Variants in LHPP observed in about 807,000 individuals in gnomAD.
LHPP encodes the protein hLHPP.
A neutral mutation model predicts 30.3 loss-of-function variants in LHPP; 24 were observed. The observed-to-expected ratio is 0.79, with a 90% CI of 0.57 to 1.11. LHPP has a LOEUF of 1.11. Among genes scored for constraint, LHPP ranks in the 50% most tolerant of loss-of-function variants. The pLI, the probability that LHPP is intolerant of heterozygous loss-of-function variation, is 0.00. For missense variants in LHPP, 356 were observed against 367.2 expected (o/e 0.97, Z 0.25); for synonymous variants, 150 against 157.1 (o/e 0.95, Z 0.34).
chr10:124,522,721 A>ACG (rs1004954177), intron 6 of LHPP, among the ~76,000 whole-genome samples: 13 of 121,212 alleles, frequency 1.1e-4, no homozygotes, highest in African/African-American at 2.5e-4. Flanking sequence ...ACTGCTGCCC[A>ACG]CGCCCCCCCC....
chr10:124,513,948 C>T (rs187124076), intron 5 of LHPP, among the ~76,000 whole-genome samples: 77 of 152,296 alleles, frequency 5.1e-4, no homozygotes, highest in African/African-American at 1.6e-3. Context: ...GTTTGCGCCT[C>T]ATAAGTGTGT....
chr10:124,464,058 A>G (rs1330349773), intron 1 of LHPP, among the ~76,000 whole-genome samples: 1 of 152,014 alleles, frequency 6.6e-6, no homozygotes, highest in East Asian at 1.9e-4. Flanking sequence ...GGCTGAAGTG[A>G]TCTGCCTGCC....
At chr10:124,473,357 C>G (rs1191914990) in intron 1 of LHPP, among the ~76,000 whole-genome samples, 3 of 152,166 alleles carry the variant, frequency 2.0e-5, no homozygotes, top group African/African-American at 7.2e-5. Context: ...TTAAGGTTCA[C>G]AGAAGTGATA....
In LHPP at chr10:124,608,060, G is replaced by A. The variant is rs538630885; in HGVS notation, c.717-5204G>A. 1.5e-4 allele frequency among the ~76,000 whole-genome samples: 23 copies of A among 152,244 alleles called. 1 individual carries two copies. In the East Asian group the frequency reaches 2.7e-3, roughly 18 times the overall value. Reference sequence around the variant, plus strand: ...AGAGGGCAGGAGGGGGCAGAGCCTCGGCGTAGGAGTGAGCCTACTGGTCCT... The same window carrying A: ...AGAGGGCAGGAGGGGGCAGAGCCTCAGCGTAGGAGTGAGCCTACTGGTCCT... On this transcript the variant is annotated intron_variant, in intron 6 of 6. Coordinates refer to ENST00000368842, the MANE Select transcript of LHPP (RefSeq NM_022126.4).
rs937902791 is a variant in LHPP, at chr10:124,596,704, G to A, written c.717-16560G>A. 6.6e-6 allele frequency among the ~76,000 whole-genome samples: 1 copy of A among 152,204 alleles called. No individual in the cohort carries two copies. The highest frequency in any genetic ancestry group is 2.4e-5 in the African/African-American group (1 of 41,460). Reference sequence around the variant, plus strand: ...GGGGACACCATGAAGCTGGGTGGACGGGTGGGGAGGCCCGACTTTAAGGGA... The same window carrying A: ...GGGGACACCATGAAGCTGGGTGGACAGGTGGGGAGGCCCGACTTTAAGGGA... On this transcript the variant is annotated intron_variant, in intron 6 of 6. Transcript: ENST00000368842. This position sits in a 1 kb window ranked among gnomAD's most constrained non-coding sequence, Gnocchi z 4.6.
At chr10:124,550,850 A>T (rs542935862) in intron 6 of LHPP, among the ~76,000 whole-genome samples, 1 of 152,296 alleles carries the variant, frequency 6.6e-6, no homozygotes, top group East Asian at 1.9e-4. Context: ...CGGCCCTGCC[A>T]TCCCTGTGTG....
chr10:124,536,004 G>A (rs1955015268), intron 6 of LHPP, among the ~76,000 whole-genome samples: 1 of 152,246 alleles, frequency 6.6e-6, no homozygotes, highest in Non-Finnish European at 1.5e-5. Flanking sequence ...CCCTGGGCTG[G>A]GGTGGGAGGT....
At chr10:124,543,825 T>C (rs1955265211) in intron 6 of LHPP, among the ~76,000 whole-genome samples, 1 of 152,082 alleles carries the variant, frequency 6.6e-6, no homozygotes, top group African/African-American at 2.4e-5. Flanking sequence ...CTTTGGAAAA[T>C]ACAGAAAATC....
chr10:124,572,019 C>T (rs2133981560), intron 6 of LHPP, among the ~76,000 whole-genome samples: 1 of 152,276 alleles, frequency 6.6e-6, no homozygotes, highest in South Asian at 2.1e-4. Context: ...GAAACAGCCA[C>T]TGCAGAGCCC....
At chr10:124,587,139 C>G (rs569343411) in intron 6 of LHPP, among the ~76,000 whole-genome samples, 1 of 150,864 alleles carries the variant, frequency 6.6e-6, no homozygotes, top group East Asian at 2.0e-4. Context: ...TCCAGCGATT[C>G]TCCTGCCTCA....
At chr10:124,490,096 CTCTG>C (rs1953474631) in intron 3 of LHPP, 1 of 171,336 alleles carries the variant, frequency 5.8e-6, no homozygotes. Flanking sequence ...TTGTGAGTGT[CTCTG>C]TCTGTGGTTG....
intron 6 of LHPP, among the ~76,000 whole-genome samples, chr10:124,522,503 A>G (rs1449184639): frequency 6.6e-6 from 1 of 152,114 alleles, no homozygotes; most frequent in Non-Finnish European, 1.5e-5. Flanking sequence ...TTCAGATGGG[A>G]CAGCTAGGAC....
chr10:124,580,176 T>C (rs1304596013), intron 6 of LHPP, among the ~76,000 whole-genome samples: 2 of 152,260 alleles, frequency 1.3e-5, no homozygotes, highest in Non-Finnish European at 2.9e-5. Flanking sequence ...TTGTCAGTTA[T>C]ATGTGGTGCA....
intron 6 of LHPP, among the ~76,000 whole-genome samples, chr10:124,571,477 TG>T (rs1213359377): frequency 6.6e-6 from 1 of 152,186 alleles, no homozygotes; most frequent in Non-Finnish European, 1.5e-5. Context: ...ACATGCTGAA[TG>T]GGAACCTTTA....
intron 1 of LHPP, 34 bp downstream of exon 1, chr10:124,462,021 G>T: frequency 8.3e-7 from 1 of 1,199,332 alleles, no homozygotes; most frequent in South Asian, 4.2e-5. Flanking sequence ...TGGGGCCGCC[G>T]AGCTCTAAGC....
chr10:124,567,645 G>A (rs1050355324), intron 6 of LHPP, among the ~76,000 whole-genome samples: 4 of 152,250 alleles, frequency 2.6e-5, no homozygotes, highest in African/African-American at 7.2e-5. Flanking sequence ...CCAGCCAGCC[G>A]CAGCGGCCAC....
rs1948910134 is a variant in LHPP at position 124,593,786 on chromosome 10, G to C, written c.717-19478G>C. Among the ~76,000 whole-genome samples the C allele has an allele frequency of 6.6e-6, 1 of 152,250 alleles. No individual in the cohort carries two copies. Among genetic ancestry groups the C allele is most frequent in the African/African-American group, 2.4e-5 (1 of 41,472 alleles). On this transcript the variant is annotated intron_variant, in intron 6 of 6. Transcript: ENST00000368842. The surrounding 1 kb of genome is among the most constrained non-coding windows in gnomAD (Gnocchi z 4.9). ...GCAGGAGGTTTTGCCGGCGCCAGGGGCTCCCTCGGCTGACCGAGGGTGTCC... is the reference window on the plus strand; with the variant it reads ...GCAGGAGGTTTTGCCGGCGCCAGGGCCTCCCTCGGCTGACCGAGGGTGTCC...
At chr10:124,536,034 T>C (rs1372790424) in intron 6 of LHPP, among the ~76,000 whole-genome samples, 2 of 152,236 alleles carry the variant, frequency 1.3e-5, no homozygotes, top group Non-Finnish European at 2.9e-5. Flanking sequence ...TTAAAACCAC[T>C]GGAAAGGCTT....
At chr10:124,512,784 G>A (rs1954338166) in intron 5 of LHPP, among the ~76,000 whole-genome samples, 1 of 152,170 alleles carries the variant, frequency 6.6e-6, no homozygotes, top group Non-Finnish European at 1.5e-5. Flanking sequence ...GGAGAGCTGG[G>A]ATCTCCACCC....
Sources: allele counts gnomAD v4.1 joint callset (sites outside exome capture counted in the v4.1 genomes callset), GRCh38; gene constraint gnomAD v4.1.1; non-coding constraint Gnocchi (gnomAD v3.1); transcripts MANE v1.5; gene names NCBI Gene and HGNC (gene_info 2026-07-23, HGNC 2026-07-21).